Variants in ZCCHC24 observed in about 807,000 individuals in gnomAD.
ZCCHC24 encodes the protein zinc finger CCHC-type containing 24.
ZCCHC24 carries 10 observed loss-of-function variants against 26.2 expected under a neutral mutation model. The observed-to-expected ratio is 0.38, with a 90% CI of 0.24 to 0.65. ZCCHC24 has a LOEUF of 0.65. Among genes scored for constraint, ZCCHC24 ranks in the 30% least tolerant of loss-of-function variants. The pLI is 0.54. For missense variants in ZCCHC24, 243 were observed against 329.1 expected (o/e 0.74, Z 2.03); for synonymous variants, 144 against 147.1 (o/e 0.98, Z 0.15).
intron 1 of ZCCHC24, among the ~76,000 whole-genome samples, chr10:79,434,180 C>G (rs1857183576): frequency 6.6e-6 from 1 of 152,196 alleles, no homozygotes; most frequent in Non-Finnish European, 1.5e-5. Flanking sequence ...AAGACACAGA[C>G]ACCACATCGG....
At chr10:79,411,696 G>A (rs1008583968) in intron 2 of ZCCHC24, among the ~76,000 whole-genome samples, 2 of 152,198 alleles carry the variant, frequency 1.3e-5, no homozygotes, top group Non-Finnish European at 2.9e-5. Context: ...GCCTGTGAGA[G>A]GCAGGGCCAA....
At chr10:79,402,220 C>T (rs1467851443) in intron 2 of ZCCHC24, among the ~76,000 whole-genome samples, 1 of 152,206 alleles carries the variant, frequency 6.6e-6, no homozygotes, top group African/African-American at 2.4e-5. Context: ...GTCAGAGGTC[C>T]AGGTTGGGCC....
chr10:79,403,100 C>T (rs765507841), intron 2 of ZCCHC24, among the ~76,000 whole-genome samples: 6 of 152,232 alleles, frequency 3.9e-5, no homozygotes, highest in Non-Finnish European at 8.8e-5. Flanking sequence ...ACACCAGTCG[C>T]GAACTCCCCT....
chr10:79,428,006 T>C (rs918081762), intron 2 of ZCCHC24, among the ~76,000 whole-genome samples: 7 of 152,076 alleles, frequency 4.6e-5, no homozygotes, highest in African/African-American at 7.2e-5. Context: ...TAAAGCAAGC[T>C]GATGGAAGGA....
intron 2 of ZCCHC24, among the ~76,000 whole-genome samples, chr10:79,396,864 G>A (rs540014566): frequency 7.3e-4 from 111 of 152,308 alleles, no homozygotes; most frequent in African/African-American, 2.6e-3. Flanking sequence ...ACTTCACAAG[G>A]ATAAGGATAG....
intron 1 of ZCCHC24, among the ~76,000 whole-genome samples, chr10:79,443,918 A>T (rs947037296): frequency 1.7e-4 from 26 of 152,314 alleles, no homozygotes; most frequent in African/African-American, 6.3e-4. Flanking sequence ...CCAGGTCAAC[A>T]GGTCAGCCTG....
At chr10:79,389,014 G>A (rs1856436112) in intron 3 of ZCCHC24, among the ~76,000 whole-genome samples, 1 of 152,198 alleles carries the variant, frequency 6.6e-6, no homozygotes, top group African/African-American at 2.4e-5. Context: ...TGGCTACACT[G>A]TATTGGGGCT....
chr10:79,385,931 G>C lies in ZCCHC24; in HGVS notation c.*414C>G, dbSNP rs1329538718. 1 of 414,020 alleles carries C rather than the reference G, an allele frequency of 2.4e-6. No individual in the cohort carries two copies. Among genetic ancestry groups the C allele is most frequent in the African/African-American group, 2.0e-5 (1 of 49,852 alleles). The allele number at this position is 414,020 out of a possible 1,614,324, so 25.6% of individuals were successfully genotyped here. On this transcript the variant is annotated 3_prime_UTR_variant, in exon 4 of 4. Transcript: ENST00000372336. This position sits in a 1 kb window ranked among gnomAD's most constrained non-coding sequence, Gnocchi z 4.3. ...GGGCAAACCGGAAGGTTCTGGGTGG[G>C]GGCAGGCGGCCTGGCTGGTCTGGGG...
chr10:79,386,743 G>A (rs922205935), intron 3 of ZCCHC24, among the ~76,000 whole-genome samples: 4 of 152,178 alleles, frequency 2.6e-5, no homozygotes, highest in Non-Finnish European at 5.9e-5. Context: ...CTGAGTCCTA[G>A]GGCACACAGG....
intron 1 of ZCCHC24, among the ~76,000 whole-genome samples, chr10:79,442,441 C>T (rs577074679): frequency 1.2e-4 from 19 of 152,360 alleles, no homozygotes; most frequent in Non-Finnish European, 2.5e-4. Context: ...CAATGGGCTT[C>T]TGTGCCCCCA....
Position 79,394,258 on chromosome 10 carries a change from C to G in ZCCHC24, c.612+18G>C, listed in dbSNP as rs979077185. On this transcript the variant is annotated intron_variant, in intron 3 of 3. Transcript: ENST00000372336. Reference sequence around the variant, plus strand: ...CTCCCGCGGTCCTTCTGAGAAGGCCCCAGCCTGCCCGGCTCACCTGCTTGT... The same window carrying G: ...CTCCCGCGGTCCTTCTGAGAAGGCCGCAGCCTGCCCGGCTCACCTGCTTGT... 3 of 1,610,466 alleles carry G rather than the reference C, an allele frequency of 1.9e-6. No homozygotes were observed. Among genetic ancestry groups the G allele is most frequent in the Non-Finnish European group, 2.5e-6 (3 of 1,177,718 alleles).
chr10:79,442,129 C>A (rs928681585), intron 1 of ZCCHC24, among the ~76,000 whole-genome samples: 1 of 152,206 alleles, frequency 6.6e-6, no homozygotes, highest in African/African-American at 2.4e-5. Flanking sequence ...TTAGGAATCC[C>A]TTTCCAAAAA....
Position 79,412,424 on chromosome 10 carries a change from C to T in ZCCHC24, c.448-17984G>A, listed in dbSNP as rs140286719. 5.5e-3 allele frequency among the ~76,000 whole-genome samples: 839 copies of T among 152,356 alleles called. 20 individuals carry two copies. Among genetic ancestry groups the T allele is most frequent in the Admixed American group, 0.043 (659 of 15,308 alleles). On this transcript the variant is annotated intron_variant, in intron 2 of 3. Transcript: ENST00000372336. Reference sequence around the variant, plus strand: ...GTACACCCTCGCCCCTTGGCAGCCCCGCGTACGTACATGGTGTGGGTGGCT... The same window carrying T: ...GTACACCCTCGCCCCTTGGCAGCCCTGCGTACGTACATGGTGTGGGTGGCT...
chr10:79,409,589 A>G (rs10824752), intron 2 of ZCCHC24, among the ~76,000 whole-genome samples: 38,579 of 151,908 alleles, frequency 0.25, 5,189 homozygotes, highest in Middle Eastern at 0.4. Flanking sequence ...CATGACTATC[A>G]GCCTGAGAGA....
At chr10:79,421,180 C>T (rs1435649628) in intron 2 of ZCCHC24, among the ~76,000 whole-genome samples, 4 of 152,142 alleles carry the variant, frequency 2.6e-5, no homozygotes, top group Non-Finnish European at 4.4e-5. Flanking sequence ...ACCTGCCAAA[C>T]GGCAGGCACG....
At position 79,386,116 on chromosome 10, in the gene ZCCHC24, C is replaced by CA. The variant is rs1347047852; in HGVS notation, c.*228dup. On this transcript the variant is annotated 3_prime_UTR_variant, in exon 4 of 4. Transcript: ENST00000372336. ...TCCACTGAGACCCCAGGCCCGCCTG[C>CA]AAAAAGCCCCAGACTCCCTGCTTTC... 1 of 595,562 alleles carries CA rather than the reference C, an allele frequency of 1.7e-6. No individual in the cohort carries two copies. The highest frequency in any genetic ancestry group is 1.9e-5 in the African/African-American group (1 of 53,734). 36.9% of individuals were successfully genotyped at this position (595,562 alleles called of 1,614,324 possible).
At chr10:79,422,571 G>C (rs1463005196) in intron 2 of ZCCHC24, among the ~76,000 whole-genome samples, 1 of 152,200 alleles carries the variant, frequency 6.6e-6, no homozygotes, top group Admixed American at 6.5e-5. Context: ...TAAGATCTCA[G>C]CTGTTCTAGG....
intron 3 of ZCCHC24, among the ~76,000 whole-genome samples, chr10:79,392,059 G>C (rs953110927): frequency 1.3e-5 from 2 of 151,646 alleles, no homozygotes; most frequent in Admixed American, 6.6e-5. Context: ...CCTCTCCACC[G>C]GTCCCGTCTA....
chr10:79,402,399 C>A (rs1856645793), intron 2 of ZCCHC24, among the ~76,000 whole-genome samples: 1 of 152,218 alleles, frequency 6.6e-6, no homozygotes, highest in African/African-American at 2.4e-5. Context: ...CCTTGGCCTC[C>A]CAAGTAGCTG....
Sources: gnomAD v4.1 joint callset for allele counts (sites outside exome capture counted in the v4.1 genomes callset) on GRCh38, gnomAD v4.1.1 for gene constraint, Gnocchi (gnomAD v3.1) non-coding constraint, MANE v1.5 for transcripts, NCBI Gene and HGNC (gene_info 2026-07-23, HGNC 2026-07-21) for gene names.